Variants in TLX1 observed in about 807,000 individuals in gnomAD.
TLX1 encodes T-cell leukemia homeobox protein 1.
TLX1 carries 6 observed loss-of-function variants against 26.5 expected under a neutral mutation model. The ratio of observed to expected loss-of-function variants is 0.23; its 90% CI spans 0.12 to 0.45. The LOEUF (loss-of-function observed/expected upper bound fraction) is 0.45, where lower values mean the gene tolerates loss of function less well. Ranked by LOEUF, TLX1 falls within the 20% of genes least tolerant of loss-of-function variation. The probability of loss-of-function intolerance (pLI) is 0.99; values close to 1 mark genes in which losing one functional copy is unlikely to be tolerated. For synonymous variants in TLX1, 217 were observed against 219.7 expected (o/e 0.99, Z 0.11); for missense variants, 418 against 482.6 (o/e 0.87, Z 1.25).
intron 2 of TLX1, among the ~76,000 whole-genome samples, chr10:101,135,678 GA>G (rs564712539): frequency 6.6e-6 from 1 of 151,406 alleles, no homozygotes; most frequent in African/African-American, 2.4e-5. Context: ...CCCGCTCAAG[GA>G]AAAAAAAGGA....
chr10:101,131,739 G>A lies in TLX1; in HGVS notation c.198G>A (p.Thr66=). The stretch of plus-strand genomic sequence containing the variant: ...GCGGCGGGGGCTCCGCGGCCGCGAC[G>A]GGGGCTGGAGGAGCGGGGGCCTATG... The part of the protein sequence containing the change: ...TYGGGGSAAA[T]GAGGAGAYGT... The change falls in exon 1 of 3, where the codon ACG becomes ACA. Residue 66 remains threonine (T), a synonymous_variant. Coordinates refer to ENST00000370196, the MANE Select transcript of TLX1 (RefSeq NM_005521.4). The A allele has an allele frequency of 7.0e-7, 1 of 1,431,028 alleles. No homozygotes were observed. Among genetic ancestry groups the A allele is most frequent in the South Asian group, 1.6e-5 (1 of 64,052 alleles). 88.6% of individuals were successfully genotyped at this position (1,431,028 alleles called of 1,614,324 possible). A position where few individuals can be genotyped will look rare whatever the true frequency, so the allele number is the denominator to read the frequency against.
intron 1 of TLX1, chr10:101,133,043 C>G (rs1278788637): frequency 6.6e-6 from 1 of 152,342 alleles, no homozygotes; most frequent in Non-Finnish European, 1.5e-5. Flanking sequence ...TCCTTCCGTC[C>G]GGGCTGGGAA....
chr10:101,133,985 C>T (rs933096168), intron 1 of TLX1, among the ~76,000 whole-genome samples, 190 bp from the exon 2 acceptor site: 2 of 152,118 alleles, frequency 1.3e-5, no homozygotes, highest in South Asian at 4.1e-4. Context: ...GGCCGTTTCC[C>T]GCCGTGGGCT....
chr10:101,134,286 C>T lies in TLX1; in HGVS notation c.680C>T (p.Ala227Val). ...EKRFHRQKYL[A>V]SAERAALAKA... ...CGCTTCCACCGCCAGAAGTACCTGG[C>T]CTCGGCCGAGCGCGCCGCCCTGGCC... The change falls in exon 2 of 3, where the codon GCC (alanine) becomes GTC (valine). Residue 227 changes from alanine to valine, a missense_variant. Physicochemically the swap from Ala to Val is moderately conservative, Grantham distance 64 (BLOSUM62 0). This residue lies in a region of TLX1 where 322 missense variants were observed against 344.6 expected (regional missense o/e 0.93). Coordinates refer to ENST00000370196, the MANE Select transcript of TLX1 (RefSeq NM_005521.4). The T allele has an allele frequency of 1.2e-6, 2 of 1,611,188 alleles. No homozygotes were observed. Among genetic ancestry groups the T allele is most frequent in the Non-Finnish European group, 1.7e-6 (2 of 1,179,080 alleles).
rs1423391060 is a variant in TLX1, at chr10:101,132,938, T to G, written c.568+829T>G. ...GGCCCTGGCTCCCTCTGCTCCCGTT[T>G]CCACTCTGGGCACTCAACTCTCCCT... On this transcript the variant is annotated intron_variant, in intron 1 of 2. Transcript: ENST00000370196. This position sits in a 1 kb window ranked among gnomAD's most constrained non-coding sequence, Gnocchi z 4.1. 3 of 153,230 alleles carry G rather than the reference T, an allele frequency of 2.0e-5. No homozygotes were observed. Among genetic ancestry groups the G allele is most frequent in the African/African-American group, 7.2e-5 (3 of 41,382 alleles). 9.5% of individuals were successfully genotyped at this position (153,230 alleles called of 1,614,324 possible).
intron 2 of TLX1, among the ~76,000 whole-genome samples, chr10:101,136,235 A>G (rs559245607): frequency 6.6e-6 from 1 of 152,364 alleles, no homozygotes; most frequent in African/African-American, 2.4e-5. Flanking sequence ...GGGAGGAAAG[A>G]GACGTCCCGC....
rs1294398814 is a variant in TLX1, at chr10:101,137,767, A to G, written c.*854A>G. On this transcript the variant is annotated 3_prime_UTR_variant, in exon 3 of 3. Coordinates refer to ENST00000370196, the MANE Select transcript of TLX1 (RefSeq NM_005521.4). ...CTTGTGTAATTTATGTGAAAAAAAT[A>G]AATAAAAGCCTCCGGATCCGGAGTC... is the stretch of plus-strand genomic sequence containing the variant. The G allele has an allele frequency of 1.4e-5, 3 of 221,206 alleles. No individual in the cohort carries two copies. The highest frequency in any genetic ancestry group is 2.7e-5 in the Non-Finnish European group (3 of 110,408). The allele number at this position is 221,206 out of a possible 1,614,324, so 13.7% of individuals were successfully genotyped here. A position where few individuals can be genotyped will look rare whatever the true frequency, so the allele number is the denominator to read the frequency against.
rs1940187277 is a variant in TLX1 at position 101,131,994 on chromosome 10, C to T, written c.453C>T (p.Ala151=). 3 of 1,525,034 alleles carry T rather than the reference C, an allele frequency of 2.0e-6. No individual in the cohort carries two copies. The highest frequency in any genetic ancestry group is 8.7e-7 in the Non-Finnish European group (1 of 1,145,032). 94.5% of individuals were successfully genotyped at this position (1,525,034 alleles called of 1,614,324 possible). A position where few individuals can be genotyped will look rare whatever the true frequency, so the allele number is the denominator to read the frequency against. Reference sequence around the variant, plus strand: ...CCGTGGCCCACCCCCAGCCCCTGGCCACCGGCTTGCCCACCGTGCCCTCTG... The same window carrying T: ...CCGTGGCCCACCCCCAGCCCCTGGCTACCGGCTTGCCCACCGTGCCCTCTG... ...AGAVAHPQPL[A]TGLPTVPSVP... The change falls in exon 1 of 3, where the codon GCC becomes GCT. Residue 151 remains alanine (A), a synonymous_variant. Coordinates refer to ENST00000370196, the MANE Select transcript of TLX1 (RefSeq NM_005521.4).
intron 2 of TLX1, chr10:101,135,555 G>A (rs1416361): frequency 0.16 from 24,239 of 153,396 alleles, 2,068 homozygotes; most frequent in East Asian, 0.3. Context: ...TGGCCTAGGG[G>A]AGGAGAGGCA....
chr10:101,132,116 C>A lies in TLX1; in HGVS notation c.568+7C>A. On this transcript the variant is annotated splice_region_variant and intron_variant, in intron 1 of 2. Coordinates refer to ENST00000370196, the MANE Select transcript of TLX1 (RefSeq NM_005521.4). This position sits in a 1 kb window ranked among gnomAD's most constrained non-coding sequence, Gnocchi z 4.1. ...ACAAAGGACAGGTTCACAGGTGAGTCCGGCCCGCGCGCTCCCCGCCTGGCC... is the reference window on the plus strand; with the variant it reads ...ACAAAGGACAGGTTCACAGGTGAGTACGGCCCGCGCGCTCCCCGCCTGGCC... 7.4e-7 allele frequency: 1 copy of A among 1,354,988 alleles called. No individual in the cohort carries two copies. The allele number at this position is 1,354,988 out of a possible 1,614,324, so 83.9% of individuals were successfully genotyped here.
rs3740499 is a variant in TLX1, at chr10:101,137,548, C to T, written c.*635C>T. The T allele has an allele frequency of 0.1, 24,369 of 234,932 alleles. 1,414 individuals are homozygous for T. Among genetic ancestry groups the T allele is most frequent in the East Asian group, 0.19 (3,224 of 16,588 alleles). The allele number at this position is 234,932 out of a possible 1,614,324, so 14.6% of individuals were successfully genotyped here. A position where few individuals can be genotyped will look rare whatever the true frequency, so the allele number is the denominator to read the frequency against. On this transcript the variant is annotated 3_prime_UTR_variant, in exon 3 of 3. Transcript: ENST00000370196. Reference sequence around the variant, plus strand: ...GGCCACACTGTGACACACTACACCACACACAACAGCCAACAGCTACAACAG... The same window carrying T: ...GGCCACACTGTGACACACTACACCATACACAACAGCCAACAGCTACAACAG...
At chr10:101,136,301 T>G (rs1590130370) in intron 2 of TLX1, among the ~76,000 whole-genome samples, 1 of 152,066 alleles carries the variant, frequency 6.6e-6, no homozygotes, top group East Asian at 1.9e-4. Context: ...GTGGGTAGGG[T>G]GAGGGCCCTC....
chr10:101,133,529 A>G (rs561340022), intron 1 of TLX1, among the ~76,000 whole-genome samples: 84 of 152,292 alleles, frequency 5.5e-4, no homozygotes, highest in African/African-American at 1.9e-3. Flanking sequence ...CCCAGCCGGG[A>G]GTCCACTAAT....
At position 101,137,068 on chromosome 10, in the gene TLX1, C is replaced by G; in HGVS notation, c.*155C>G. 3.1e-6 allele frequency: 3 copies of G among 983,440 alleles called. No individual in the cohort carries two copies. Among genetic ancestry groups the G allele is most frequent in the East Asian group, 2.6e-5 (1 of 37,994 alleles). The allele number at this position is 983,440 out of a possible 1,614,324, so 60.9% of individuals were successfully genotyped here. The stretch of plus-strand genomic sequence containing the variant: ...CGAAGGGCCCCCACATTTGTGCCGA[C>G]ACTGTTCTCCCTTCGGTGGAAGAGC... On this transcript the variant is annotated 3_prime_UTR_variant, in exon 3 of 3. Coordinates refer to ENST00000370196, the MANE Select transcript of TLX1 (RefSeq NM_005521.4).
At chr10:101,133,433 G>C (rs1038867066) in intron 1 of TLX1, among the ~76,000 whole-genome samples, 1 of 152,210 alleles carries the variant, frequency 6.6e-6, no homozygotes, top group African/African-American at 2.4e-5. Context: ...CCCAACCTAA[G>C]TTTTCTCTGG....
chr10:101,134,488 C>T, intron 2 of TLX1, 112 bp downstream of exon 2: 3 of 1,234,504 alleles, frequency 2.4e-6, no homozygotes, highest in Non-Finnish European at 3.3e-6. Flanking sequence ...GTTTCTGATC[C>T]TTTCGGAGGA....
Position 101,131,738 on chromosome 10 carries a change from C to A in TLX1, c.197C>A (p.Thr66Lys). The A allele has an allele frequency of 7.0e-7, 1 of 1,435,810 alleles. No individual in the cohort carries two copies. Among genetic ancestry groups the A allele is most frequent in the Non-Finnish European group, 9.1e-7 (1 of 1,100,418 alleles). 88.9% of individuals were successfully genotyped at this position (1,435,810 alleles called of 1,614,324 possible). A position where few individuals can be genotyped will look rare whatever the true frequency, so the allele number is the denominator to read the frequency against. Residue 66 changes from threonine (T) to lysine (K), a missense_variant, in exon 1 of 3, where the codon ACG becomes AAG. Physicochemically the swap from Thr to Lys is moderately conservative, Grantham distance 78 (BLOSUM62 -1). Coordinates refer to ENST00000370196, the MANE Select transcript of TLX1 (RefSeq NM_005521.4). ...GGCGGCGGGGGCTCCGCGGCCGCGA[C>A]GGGGGCTGGAGGAGCGGGGGCCTAT... ...TYGGGGSAAATGAGGAGAYGT... is the reference protein window; with the variant it reads ...TYGGGGSAAAKGAGGAGAYGT...
chr10:101,134,294 G>C lies in TLX1; in HGVS notation c.688G>C (p.Glu230Gln). The C allele has an allele frequency of 6.2e-7, 1 of 1,612,382 alleles. No individual in the cohort carries two copies. ...FHRQKYLASA[E>Q]RAALAKALKM... ...CCGCCAGAAGTACCTGGCCTCGGCCGAGCGCGCCGCCCTGGCCAAGGCGCT... is the reference window on the plus strand; with the variant it reads ...CCGCCAGAAGTACCTGGCCTCGGCCCAGCGCGCCGCCCTGGCCAAGGCGCT... Residue 230 changes from glutamate to glutamine, a missense_variant, in exon 2 of 3, where the codon GAG becomes CAG. Physicochemically the swap from Glu to Gln is conservative, Grantham distance 29 (BLOSUM62 2). Around this residue, in one of 3 missense-constraint regions of TLX1, gnomAD observed 18 missense variants for 45.8 expected, o/e 0.39. Transcript: ENST00000370196.
rs752322700 is a variant in TLX1, at chr10:101,134,394, GCCGGC to G, written c.770+20_770+24del. On this transcript the variant is annotated intron_variant, in intron 2 of 2. Coordinates refer to ENST00000370196, the MANE Select transcript of TLX1 (RefSeq NM_005521.4). ...AAGTGGAGGTGAGCAAGCGGGGCGG[GCCGGC>G]CGCCCGCGAGCGGCGCGGTCTCAGG... The G allele has an allele frequency of 2.1e-5, 33 of 1,537,952 alleles. No individual in the cohort carries two copies. Among genetic ancestry groups the G allele is most frequent in the Non-Finnish European group, 2.7e-5 (31 of 1,147,392 alleles).
Sources: allele counts gnomAD v4.1 joint callset (sites outside exome capture counted in the v4.1 genomes callset), GRCh38; gene constraint gnomAD v4.1.1; regional missense constraint gnomAD v4.1.1; non-coding constraint Gnocchi (gnomAD v3.1); transcripts MANE v1.5; gene names NCBI Gene and HGNC (gene_info 2026-07-23, HGNC 2026-07-21).